Variants in TTC21B observed in about 807,000 individuals in gnomAD.
TTC21B encodes tetratricopeptide repeat protein 21B.
In TTC21B, 127 loss-of-function variants were observed where a neutral mutation model predicts 175.1. The ratio of observed to expected loss-of-function variants is 0.73; its 90% CI spans 0.63 to 0.84. The LOEUF (loss-of-function observed/expected upper bound fraction) is 0.84, where lower values mean the gene tolerates loss of function less well. Among genes scored for constraint, TTC21B ranks in the 40% least tolerant of loss-of-function variants. The pLI, the probability that TTC21B is intolerant of heterozygous loss-of-function variation, is 0.00. For synonymous variants in TTC21B, 524 were observed against 524.5 expected (o/e 1.00, Z 0.01); for missense variants, 1,561 against 1,558.3 (o/e 1.00, Z -0.03).
intron 12 of TTC21B, among the ~76,000 whole-genome samples, chr2:165,923,726 G>A (rs1490357926): frequency 6.9e-6 from 1 of 144,742 alleles, no homozygotes; most frequent in East Asian, 2.0e-4. Flanking sequence ...ACAGGCATGA[G>A]CCACCACGCC....
intron 11 of TTC21B, among the ~76,000 whole-genome samples, chr2:165,926,991 CAT>C (rs367965246): frequency 0.041 from 601 of 14,610 alleles, 109 homozygotes; most frequent in African/African-American, 0.1. Context: ...TATAAACTCC[CAT>C]ATATATATAT....
At chr2:165,920,634 G>GAA (rs1377394930) in intron 12 of TTC21B, among the ~76,000 whole-genome samples, 2 of 152,092 alleles carry the variant, frequency 1.3e-5, no homozygotes, top group Non-Finnish European at 2.9e-5. Context: ...AGTGCATAGA[G>GAA]AATTAGGGTT....
intron 10 of TTC21B, 120 bp from the exon 11 acceptor site, chr2:165,929,455 A>G: frequency 1.1e-6 from 1 of 950,834 alleles, no homozygotes; most frequent in Admixed American, 2.2e-5. Flanking sequence ...AAACTCAAGT[A>G]TTAGCTTGAA....
At chr2:165,914,379 T>C (rs1012660881) in intron 15 of TTC21B, among the ~76,000 whole-genome samples, 13 of 152,170 alleles carry the variant, frequency 8.5e-5, no homozygotes, top group Non-Finnish European at 1.8e-4. Context: ...TCATTAGAGA[T>C]GACAGTGATA....
chr2:165,912,974 A>T (rs1308335385), intron 16 of TTC21B, among the ~76,000 whole-genome samples: 1 of 152,110 alleles, frequency 6.6e-6, no homozygotes, highest in East Asian at 1.9e-4. Flanking sequence ...ACACCACCTT[A>T]GTCTGTAGCT....
At position 165,927,359 on chromosome 2, in the gene TTC21B, A is replaced by T. The variant is rs1237188979; in HGVS notation, c.1386+1776T>A. Among the ~76,000 whole-genome samples, 56 of 82,254 alleles carry T rather than the reference A, an allele frequency of 6.8e-4. 4 individuals are homozygous for T. The highest frequency in any genetic ancestry group is 2.1e-3 in the Admixed American group (11 of 5,330). 54.0% of individuals were successfully genotyped at this position (82,254 alleles called of 152,430 possible). A position where few individuals can be genotyped will look rare whatever the true frequency, so the allele number is the denominator to read the frequency against. On this transcript the variant is annotated intron_variant, in intron 11 of 28. Coordinates refer to ENST00000243344, the MANE Select transcript of TTC21B (RefSeq NM_024753.5). ...ATATAATATATATATAATATATTTT[A>T]TATATATATATATATATCCTATTTT...
At chr2:165,951,290 A>T (rs1413307842) in intron 1 of TTC21B, among the ~76,000 whole-genome samples, 1 of 152,196 alleles carries the variant, frequency 6.6e-6, no homozygotes, top group African/African-American at 2.4e-5. Context: ...GGCAAAAAGA[A>T]TCTCTGGTCC....
intron 20 of TTC21B, 107 bp from the exon 21 acceptor site, chr2:165,899,987 T>C (rs1311573551): frequency 4.9e-5 from 11 of 222,248 alleles, no homozygotes; most frequent in South Asian, 3.5e-4. Flanking sequence ...GTCATTGCAA[T>C]AAAATGCCAA....
chr2:165,949,680 T>C lies in TTC21B; in HGVS notation c.66A>G (p.Val22=), dbSNP rs778014644. ...TAATTCCTTCACTGGCAACCAGTAA[T>C]ACATGATGGAAATATCTCTCTTGAC... ...YYCQERYFHH[V]LLVASEGIKR... is the part of the protein sequence containing the mutation. The change falls in exon 2 of 29, where the codon GTA becomes GTG. Residue 22 remains valine, a synonymous_variant. Coordinates refer to ENST00000243344, the MANE Select transcript of TTC21B (RefSeq NM_024753.5). 14 of 1,612,552 alleles carry C rather than the reference T, an allele frequency of 8.7e-6. No homozygotes were observed. The African/African-American group carries it at 1.3e-4, about 15-fold the overall frequency.
Position 165,912,654 on chromosome 2 carries a change from A to T in TTC21B, c.2212-30T>A, listed in dbSNP as rs112025266. 51 of 1,557,366 alleles carry T rather than the reference A, an allele frequency of 3.3e-5. No homozygotes were observed. In the African/African-American group the frequency reaches 3.9e-4, roughly 12 times the overall value. On this transcript the variant is annotated intron_variant, in intron 16 of 28. Coordinates refer to ENST00000243344, the MANE Select transcript of TTC21B (RefSeq NM_024753.5). ...TATTGCCAGACACAAAAAATAAGCA[A>T]TAAAAAATAGCATAACTGGGTCCCA... is the stretch of plus-strand genomic sequence containing the variant.
rs1321879354 is a variant in TTC21B at position 165,930,381 on chromosome 2, AT to A, written c.895-18del. The A allele has an allele frequency of 6.4e-7, 1 of 1,569,576 alleles. No homozygotes were observed. Among genetic ancestry groups the A allele is most frequent in the African/African-American group, 1.4e-5 (1 of 73,724 alleles). ...ACGTCCACACTAAAAAGAAAAAAAA[AT>A]GATGTAAGATTTCAAAGTCTAACAT... On this transcript the variant is annotated intron_variant, in intron 8 of 28. Transcript: ENST00000243344.
intron 11 of TTC21B, among the ~76,000 whole-genome samples, chr2:165,924,963 T>C (rs903588435): frequency 2.6e-5 from 4 of 152,128 alleles, no homozygotes; most frequent in Non-Finnish European, 5.9e-5. Flanking sequence ...TATTATCTAT[T>C]CAAAAGTTTT....
intron 24 of TTC21B, 53 bp from the exon 25 acceptor site, chr2:165,888,527 A>G (rs951268177): frequency 7.1e-7 from 1 of 1,406,400 alleles, no homozygotes; most frequent in Non-Finnish European, 9.9e-7. Flanking sequence ...GATACAATTC[A>G]TTGAGATTAG....
chr2:165,895,109 A>C (rs1262585854), intron 22 of TTC21B, among the ~76,000 whole-genome samples: 1 of 152,046 alleles, frequency 6.6e-6, no homozygotes, highest in East Asian at 1.9e-4. Flanking sequence ...CCCAAGAGGG[A>C]TATATTTTAG....
At chr2:165,912,717 G>T in intron 16 of TTC21B, 93 bp from the exon 17 acceptor site, 1 of 923,848 alleles carries the variant, frequency 1.1e-6, no homozygotes. Flanking sequence ...CTCTACATTT[G>T]TAATATTACA....
rs1553513517 is a variant in TTC21B, at chr2:165,927,093, G to GTT, written c.1386+2041_1386+2042insAA. ...ATATATATATATATATATCCTAGTAGATATATATATATATATATCCTAGTA... is the reference window on the plus strand; with the variant it reads ...ATATATATATATATATATCCTAGTAGTTATATATATATATATATATCCTAGTA... On this transcript the variant is annotated intron_variant, in intron 11 of 28. Transcript: ENST00000243344. 1.2e-3 allele frequency among the ~76,000 whole-genome samples: 11 copies of GTT among 8,942 alleles called. 1 individual carries two copies. The highest frequency in any genetic ancestry group is 2.3e-3 in the African/African-American group (3 of 1,298). The allele number at this position is 8,942 out of a possible 152,430, so 5.9% of individuals were successfully genotyped here. A position where few individuals can be genotyped will look rare whatever the true frequency, so the allele number is the denominator to read the frequency against.
intron 7 of TTC21B, 106 bp downstream of exon 7, chr2:165,932,867 G>C: frequency 4.1e-6 from 4 of 985,908 alleles, no homozygotes; most frequent in Non-Finnish European, 6.2e-6. Flanking sequence ...TATTTTAAAA[G>C]AGAACTTCAA....
intron 12 of TTC21B, 30 bp from the exon 13 acceptor site, chr2:165,919,463 T>A: frequency 6.2e-7 from 1 of 1,607,940 alleles, no homozygotes; most frequent in Non-Finnish European, 8.5e-7. Context: ...ATTGTTATAA[T>A]TCAAATGATT....
rs776428401 is a variant in TTC21B, at chr2:165,890,488, C to T, written c.3254G>A (p.Gly1085Glu). 4 of 1,613,354 alleles carry T rather than the reference C, an allele frequency of 2.5e-6. No individual in the cohort carries two copies. The highest frequency in any genetic ancestry group is 3.4e-6 in the Non-Finnish European group (4 of 1,179,552). Residue 1085 changes from glycine (G) to glutamate (E), a missense_variant, in exon 24 of 29, where the codon GGA becomes GAA. By Grantham distance (98) the Gly-to-Glu change is moderately conservative (BLOSUM62 -2). Transcript: ENST00000243344. ...VGGEVFENLD[G>E]DLGNSTEKQE... ...ATGTCAAATAACTCACCCCAGGTCT[C>T]CATCCAGGTTTTCAAATACTTCACC...
Sources: gnomAD v4.1 joint callset for allele counts (sites outside exome capture counted in the v4.1 genomes callset) on GRCh38, gnomAD v4.1.1 for gene constraint, MANE v1.5 for transcripts, NCBI Gene and HGNC (gene_info 2026-07-23, HGNC 2026-07-21) for gene names.